PRKN: variants seen among roughly 807,000 people sequenced by gnomAD.
The protein encoded by PRKN is E3 ubiquitin-protein ligase parkin.
PRKN carries 56 observed loss-of-function variants against 59.5 expected under a neutral mutation model. The observed-to-expected ratio is 0.94, with a 90% CI of 0.76 to 1.18. PRKN has a LOEUF of 1.18. PRKN is among the 50% of genes most tolerant of loss of function. PRKN has a pLI of 0.00. For synonymous variants in PRKN, 250 were observed against 222.1 expected, an observed-to-expected ratio of 1.13 and a Z score of -1.12; for missense variants, 657 against 596.4, an observed-to-expected ratio of 1.10 and a Z score of -1.06.
At chr6:162,145,415 T>TA (rs1219361440) in intron 4 of PRKN, among the ~76,000 whole-genome samples, 1 of 152,214 alleles carries the variant, frequency 6.6e-6, no homozygotes, top group Non-Finnish European at 1.5e-5. Flanking sequence ...TATTTTGTGC[T>TA]AAGCATAATG....
intron 6 of PRKN, among the ~76,000 whole-genome samples, chr6:161,925,427 C>T (rs896954484): frequency 2.6e-5 from 4 of 151,932 alleles, no homozygotes; most frequent in Admixed American, 6.6e-5. Flanking sequence ...AAAGATTAGC[C>T]GGGTGTGGTG....
chr6:162,549,740 G>A (rs1048050302), intron 1 of PRKN, among the ~76,000 whole-genome samples: 2 of 151,064 alleles, frequency 1.3e-5, no homozygotes, highest in Non-Finnish European at 2.9e-5. Flanking sequence ...CTGAGTTCAA[G>A]TGATTCTCCT....
At chr6:161,996,422 A>T (rs945296877) in intron 5 of PRKN, among the ~76,000 whole-genome samples, 1 of 152,158 alleles carries the variant, frequency 6.6e-6, no homozygotes, top group Non-Finnish European at 1.5e-5. Context: ...TACATACTTT[A>T]CTTTAAACCC....
intron 7 of PRKN, among the ~76,000 whole-genome samples, chr6:161,659,559 G>A (rs1784470624): frequency 6.6e-6 from 1 of 152,172 alleles, no homozygotes; most frequent in South Asian, 2.1e-4. Context: ...GCTATGGGCT[G>A]GGCATAAGGA....
rs186153987 is a variant in PRKN at position 161,991,250 on chromosome 6, T to G, written c.619-17833A>C. 2.0e-3 allele frequency among the ~76,000 whole-genome samples: 302 copies of G among 152,266 alleles called. 2 individuals carry two copies. The highest frequency in any genetic ancestry group is 5.8e-3 in the Admixed American group (89 of 15,290). On this transcript the variant is annotated intron_variant, in intron 5 of 11. Transcript: ENST00000366898. ...TTATGAGAAATGCTCAAGGAAATTCTACATCTGGAAGGAAAAGGACAATAT... is the reference window on the plus strand; with the variant it reads ...TTATGAGAAATGCTCAAGGAAATTCGACATCTGGAAGGAAAAGGACAATAT...
chr6:162,338,663 C>G (rs1267295637), intron 2 of PRKN, among the ~76,000 whole-genome samples: 1 of 152,096 alleles, frequency 6.6e-6, no homozygotes, highest in African/African-American at 2.4e-5. Flanking sequence ...CAGCCTCTGC[C>G]CGGCCGCCAC....
At chr6:161,682,122 C>A (rs996394611) in intron 7 of PRKN, among the ~76,000 whole-genome samples, 1 of 152,166 alleles carries the variant, frequency 6.6e-6, no homozygotes, top group Non-Finnish European at 1.5e-5. Flanking sequence ...TCCCTGGAAG[C>A]CCCCATGGGA....
rs551546879 is a variant in PRKN at position 161,363,218 on chromosome 6, G to A, written c.1168-3013C>T. On this transcript the variant is annotated intron_variant, in intron 10 of 11. Coordinates refer to ENST00000366898, the MANE Select transcript of PRKN (RefSeq NM_004562.3). The surrounding 1 kb of genome is among the most constrained non-coding windows in gnomAD (Gnocchi z 4.1). ...GATTTTGCCACTGCATTCCAGTCCC[G>A]GTGATGGAGTGGGACTCTGTCTCAA... is the stretch of plus-strand genomic sequence containing the variant. 9.2e-5 allele frequency among the ~76,000 whole-genome samples: 14 copies of A among 152,248 alleles called. No homozygotes were observed. The highest frequency in any genetic ancestry group is 2.1e-4 in the South Asian group (1 of 4,824).
intron 6 of PRKN, among the ~76,000 whole-genome samples, chr6:161,897,882 G>A (rs1027465835): frequency 6.2e-5 from 9 of 144,606 alleles, no homozygotes; most frequent in Non-Finnish European, 9.0e-5. Flanking sequence ...CAGGAGAATG[G>A]CGTGAACCCG....
chr6:161,946,223 G>C (rs1779768201), intron 6 of PRKN, among the ~76,000 whole-genome samples: 1 of 152,114 alleles, frequency 6.6e-6, no homozygotes. Flanking sequence ...TTGGAAGCCT[G>C]AAATAGCTGG....
chr6:162,618,112 T>C (rs1248229250), intron 1 of PRKN, among the ~76,000 whole-genome samples: 4 of 152,188 alleles, frequency 2.6e-5, no homozygotes, highest in Non-Finnish European at 4.4e-5. Context: ...TGAATAAAAA[T>C]AAATTACTAT....
intron 5 of PRKN, among the ~76,000 whole-genome samples, chr6:161,978,174 C>T (rs1401392949): frequency 8.6e-5 from 13 of 152,046 alleles, no homozygotes; most frequent in South Asian, 2.1e-4. Context: ...CTCAGCCTCC[C>T]GAATAGCTGG....
At chr6:162,566,504 C>T (rs181786010) in intron 1 of PRKN, among the ~76,000 whole-genome samples, 3 of 152,034 alleles carry the variant, frequency 2.0e-5, no homozygotes, top group African/African-American at 4.8e-5. Flanking sequence ...CTATGAGCAA[C>T]TATATGTCAA....
intron 2 of PRKN, among the ~76,000 whole-genome samples, chr6:162,277,886 C>G (rs1465400199): frequency 6.6e-6 from 1 of 152,186 alleles, no homozygotes; most frequent in Non-Finnish European, 1.5e-5. Context: ...ACTAAACATA[C>G]TATAACCACA....
intron 7 of PRKN, among the ~76,000 whole-genome samples, chr6:161,778,804 C>T (rs985542047): frequency 6.6e-5 from 10 of 152,174 alleles, no homozygotes; most frequent in Non-Finnish European, 1.3e-4. Flanking sequence ...TGCATCTGAC[C>T]ACAGACAGGA....
intron 4 of PRKN, among the ~76,000 whole-genome samples, chr6:162,133,579 T>A (rs1781457075): frequency 6.6e-6 from 1 of 152,148 alleles, no homozygotes; most frequent in Non-Finnish European, 1.5e-5. Flanking sequence ...GCTGGAAATA[T>A]CAATTTTGTA....
At chr6:161,489,546 C>A (rs1195952519) in intron 9 of PRKN, among the ~76,000 whole-genome samples, 1 of 152,046 alleles carries the variant, frequency 6.6e-6, no homozygotes, top group African/African-American at 2.4e-5. Context: ...GGCGAAAGAG[C>A]AAAACTCCAT....
At chr6:162,501,967 T>C (rs1332707880) in intron 1 of PRKN, among the ~76,000 whole-genome samples, 1 of 152,122 alleles carries the variant, frequency 6.6e-6, no homozygotes, top group Non-Finnish European at 1.5e-5. Context: ...AATTAAGTAA[T>C]TTTAAAAATT....
chr6:162,153,388 T>C (rs1384371809), intron 4 of PRKN, among the ~76,000 whole-genome samples: 1 of 152,156 alleles, frequency 6.6e-6, no homozygotes. Flanking sequence ...AGCATCCAGG[T>C]GGGGCTGACT....
Sources: gnomAD v4.1 joint callset for allele counts (sites outside exome capture counted in the v4.1 genomes callset) on GRCh38, gnomAD v4.1.1 for gene constraint, Gnocchi (gnomAD v3.1) non-coding constraint, MANE v1.5 for transcripts, NCBI Gene and HGNC (gene_info 2026-07-23, HGNC 2026-07-21) for gene names.